BNC2: variants seen among roughly 807,000 people sequenced by gnomAD.
BNC2 encodes the protein zinc finger protein basonuclin-2.
BNC2 carries 20 observed loss-of-function variants against 76.3 expected under a neutral mutation model. The observed-to-expected ratio is 0.26, with a 90% CI of 0.18 to 0.38. The LOEUF is 0.38. Among genes scored for constraint, BNC2 ranks in the 10% least tolerant of loss-of-function variants. The probability of loss-of-function intolerance (pLI) is 1.00; values close to 1 mark genes in which losing one functional copy is unlikely to be tolerated. For missense variants in BNC2, 1,382 were observed against 1,399.8 expected (o/e 0.99, Z 0.20); for synonymous variants, 582 against 514.8 (o/e 1.13, Z -1.77).
intron 1 of BNC2, among the ~76,000 whole-genome samples, chr9:16,770,322 G>C (rs1420771368): frequency 6.6e-6 from 1 of 152,146 alleles, no homozygotes; most frequent in African/African-American, 2.4e-5. Flanking sequence ...AGAGATGGTG[G>C]TTATGAAAAA....
rs762506868 is a variant in BNC2 at position 16,436,956 on chromosome 9, T to A, written c.1238A>T (p.Asp413Val). 1.2e-5 allele frequency: 19 copies of A among 1,614,030 alleles called. No homozygotes were observed. Among genetic ancestry groups the A allele is most frequent in the Non-Finnish European group, 9.3e-6 (11 of 1,180,040 alleles). ...SPIQNSAPVSDLTKTEHPKSS... is the reference protein window; with the variant it reads ...SPIQNSAPVSVLTKTEHPKSS... ...TTTTGGGTGTTCAGTTTTGGTTAGA[T>A]CACTGACTGGGGCAGAATTCTGAAT... is the stretch of plus-strand genomic sequence containing the variant. Residue 413 changes from aspartate to valine, a missense_variant, in exon 6 of 7, where the codon GAT becomes GTT. Physicochemically the swap from Asp to Val is radical, Grantham distance 152. Coordinates refer to ENST00000380672, the MANE Select transcript of BNC2 (RefSeq NM_017637.6).
At chr9:16,728,203 A>T in intron 2 of BNC2, 1 of 638,306 alleles carries the variant, frequency 1.6e-6, no homozygotes, top group Non-Finnish European at 2.8e-6. Flanking sequence ...GCCTTTGCTC[A>T]GTTTAACAGC....
intron 2 of BNC2, among the ~76,000 whole-genome samples, chr9:16,735,024 G>C (rs577337902): frequency 9.2e-5 from 14 of 152,116 alleles, no homozygotes; most frequent in Non-Finnish European, 1.3e-4. Flanking sequence ...CAGGGGCTCA[G>C]TTTCATAGAA....
At chr9:16,847,413 G>C (rs78791165) in intron 1 of BNC2, among the ~76,000 whole-genome samples, 1 of 60,050 alleles carries the variant, frequency 1.7e-5, no homozygotes, top group African/African-American at 5.8e-5. Flanking sequence ...GGGGGGGGGG[G>C]GCGGCGGGCA....
chr9:16,450,299 A>C (rs1821314847), intron 5 of BNC2, among the ~76,000 whole-genome samples: 1 of 152,242 alleles, frequency 6.6e-6, no homozygotes, highest in Non-Finnish European at 1.5e-5. Flanking sequence ...TAATTTAAAA[A>C]AGACAGACTG....
chr9:16,606,089 C>G (rs1381030551), intron 3 of BNC2, among the ~76,000 whole-genome samples: 2 of 152,056 alleles, frequency 1.3e-5, no homozygotes, highest in African/African-American at 4.8e-5. Flanking sequence ...GCTGCTAGAA[C>G]AGAAAATAAG....
intron 1 of BNC2, among the ~76,000 whole-genome samples, chr9:16,762,629 TC>T (rs1259295616): frequency 1.3e-5 from 2 of 152,170 alleles, no homozygotes; most frequent in Non-Finnish European, 2.9e-5. Flanking sequence ...ATTTTTGTGT[TC>T]CTGGTTTTGC....
In BNC2 at chr9:16,457,100, C is replaced by T. The variant is rs1821468321; in HGVS notation, c.670-19576G>A. Among the ~76,000 whole-genome samples the T allele has an allele frequency of 2.0e-5, 3 of 152,218 alleles. 1 individual carries two copies. The South Asian group carries it at 6.2e-4, about 32-fold the overall frequency. On this transcript the variant is annotated intron_variant, in intron 5 of 6. Transcript: ENST00000380672. ...TAGTGGAGAACAATAAATGAATTTG[C>T]AGTAATATGTAAATATGCAAGAAGT...
chr9:16,845,149 T>C (rs1354194051), intron 1 of BNC2, among the ~76,000 whole-genome samples: 4 of 152,170 alleles, frequency 2.6e-5, no homozygotes, highest in Admixed American at 2.6e-4. Flanking sequence ...TGCCCCATGT[T>C]TTGAAATAAC....
intron 4 of BNC2, among the ~76,000 whole-genome samples, chr9:16,565,584 T>A (rs906148769): frequency 6.6e-6 from 1 of 151,804 alleles, no homozygotes; most frequent in Non-Finnish European, 1.5e-5. Flanking sequence ...CTGAGGTGGG[T>A]GGGTCACTTG....
intron 3 of BNC2, among the ~76,000 whole-genome samples, chr9:16,698,692 C>CT (rs1004128976): frequency 6.6e-6 from 1 of 150,986 alleles, no homozygotes; most frequent in African/African-American, 2.4e-5. Flanking sequence ...AAAACTCCAT[C>CT]TCAAAAAAAA....
intron 3 of BNC2, among the ~76,000 whole-genome samples, chr9:16,667,510 G>C (rs556202175): frequency 5.9e-5 from 9 of 152,282 alleles, no homozygotes; most frequent in Admixed American, 1.3e-4. Flanking sequence ...ATCCTTAACA[G>C]TCCAAGAAAG....
intron 5 of BNC2, among the ~76,000 whole-genome samples, chr9:16,509,297 C>T (rs1330941788): frequency 6.6e-6 from 1 of 152,184 alleles, no homozygotes; most frequent in African/African-American, 2.4e-5. Flanking sequence ...CTAACATATA[C>T]ATTTCTACTT....
At chr9:16,508,115 C>T (rs1822670694) in intron 5 of BNC2, among the ~76,000 whole-genome samples, 1 of 152,188 alleles carries the variant, frequency 6.6e-6, no homozygotes, top group African/African-American at 2.4e-5. Flanking sequence ...GTAACAACAG[C>T]ATATAAAGTT....
intron 3 of BNC2, among the ~76,000 whole-genome samples, chr9:16,677,473 T>G (rs2134246480): frequency 6.6e-6 from 1 of 152,090 alleles, no homozygotes; most frequent in East Asian, 1.9e-4. Flanking sequence ...CTCGGGAGGC[T>G]GAGGCAGGAG....
chr9:16,776,113 T>G (rs959370165), intron 1 of BNC2, among the ~76,000 whole-genome samples: 1 of 152,198 alleles, frequency 6.6e-6, no homozygotes, highest in African/African-American at 2.4e-5. Flanking sequence ...TTTATAACTA[T>G]GGCTTTAGAA....
At chr9:16,812,702 T>G (rs1818082087) in intron 1 of BNC2, among the ~76,000 whole-genome samples, 1 of 152,188 alleles carries the variant, frequency 6.6e-6, no homozygotes, top group African/African-American at 2.4e-5. Flanking sequence ...CTGCACAGGT[T>G]GAAACAAAAT....
intron 1 of BNC2, among the ~76,000 whole-genome samples, chr9:16,777,698 C>A (rs10122189): frequency 0.15 from 13,790 of 91,952 alleles, 847 homozygotes; most frequent in Admixed American, 0.27. Flanking sequence ...AAGACTCCAT[C>A]TCAAAAAAAA....
At chr9:16,498,593 C>G (rs1442515924) in intron 5 of BNC2, among the ~76,000 whole-genome samples, 1 of 151,554 alleles carries the variant, frequency 6.6e-6, no homozygotes, top group African/African-American at 2.4e-5. Flanking sequence ...GCACCAAAAT[C>G]TCATAAATCA....
Sources: gnomAD v4.1 joint callset for allele counts (sites outside exome capture counted in the v4.1 genomes callset) on GRCh38, gnomAD v4.1.1 for gene constraint, MANE v1.5 for transcripts, NCBI Gene and HGNC (gene_info 2026-07-23, HGNC 2026-07-21) for gene names.